The following HS6ST1 variants were observed in gnomAD, a reference collection of about 807,000 sequenced individuals.
HS6ST1 encodes heparan sulfate 6-O-sulfotransferase 1, also known as heparan-sulfate 6-O-sulfotransferase 1.
HS6ST1 carries 3 observed loss-of-function variants against 25.2 expected under a neutral mutation model. The ratio of observed to expected loss-of-function variants is 0.12; its 90% CI spans 0.05 to 0.31. The LOEUF (loss-of-function observed/expected upper bound fraction) is 0.31, where lower values mean the gene tolerates loss of function less well. Among genes scored for constraint, HS6ST1 ranks in the 10% least tolerant of loss-of-function variants. The pLI is 1.00. For missense variants in HS6ST1, 310 were observed against 609.6 expected, an observed-to-expected ratio of 0.51 and a Z score of 5.18; for synonymous variants, 204 against 275.1, an observed-to-expected ratio of 0.74 and a Z score of 2.56.
At chr2:128,293,133 C>T (rs1041939986) in intron 1 of HS6ST1, among the ~76,000 whole-genome samples, 4 of 152,234 alleles carry the variant, frequency 2.6e-5, no homozygotes, top group African/African-American at 9.6e-5. Flanking sequence ...CCTTGCTCTG[C>T]ATGCAGTGGG....
chr2:128,306,890 A>G lies in HS6ST1; in HGVS notation c.527+11147T>C, dbSNP rs555779277. 1.1e-3 allele frequency among the ~76,000 whole-genome samples: 164 copies of G among 152,270 alleles called. 1 individual carries two copies. The highest frequency in any genetic ancestry group is 2.0e-3 in the Non-Finnish European group (134 of 68,020). ...CAGGGCCAGGCACCAGGCTGGAGGC[A>G]CAGACAGCAGTGTCGTCACTGTCAT... On this transcript the variant is annotated intron_variant, in intron 1 of 1. Coordinates refer to ENST00000259241, the MANE Select transcript of HS6ST1 (RefSeq NM_004807.3).
rs1418650247 is a variant in HS6ST1 at position 128,265,832 on chromosome 2, C to A, written c.*2330G>T. 2 of 152,216 alleles carry A rather than the reference C, an allele frequency of 1.3e-5. No individual in the cohort carries two copies. The highest frequency in any genetic ancestry group is 4.8e-5 in the African/African-American group (2 of 41,442). 9.4% of individuals were successfully genotyped at this position (152,216 alleles called of 1,614,324 possible). ...TTCCGTCCTCACAGCCCTGGGAGGG[C>A]CCCGGTGGACAGAGTCCTTACAATT... On this transcript the variant is annotated 3_prime_UTR_variant, in exon 2 of 2. Coordinates refer to ENST00000259241, the MANE Select transcript of HS6ST1 (RefSeq NM_004807.3).
At position 128,277,801 on chromosome 2, in the gene HS6ST1, C is replaced by T. The variant is rs537004867; in HGVS notation, c.528-8931G>A. Among the ~76,000 whole-genome samples the T allele has an allele frequency of 1.6e-4, 24 of 152,364 alleles. No individual in the cohort carries two copies. The East Asian group carries it at 1.9e-3, about 12-fold the overall frequency. ...ATGAAACATCAAAGAACTCGAAATG[C>T]GCTATGAAATAATTCTAGTCTGCAC... On this transcript the variant is annotated intron_variant, in intron 1 of 1. Coordinates refer to ENST00000259241, the MANE Select transcript of HS6ST1 (RefSeq NM_004807.3).
chr2:128,317,972 C>G lies in HS6ST1; in HGVS notation c.527+65G>C, dbSNP rs981913899. 15 of 1,389,484 alleles carry G rather than the reference C, an allele frequency of 1.1e-5. No individual in the cohort carries two copies. In the Admixed American group the frequency reaches 1.1e-4, roughly 10 times the overall value. 86.1% of individuals were successfully genotyped at this position (1,389,484 alleles called of 1,614,324 possible). ...AAGGCAGGGCCGACCCAGTACAGCACGGCGGGCATACGGCCCGGCCTCGGG... is the reference window on the plus strand; with the variant it reads ...AAGGCAGGGCCGACCCAGTACAGCAGGGCGGGCATACGGCCCGGCCTCGGG... On this transcript the variant is annotated intron_variant, in intron 1 of 1. Transcript: ENST00000259241.
chr2:128,307,511 G>A (rs558889534), intron 1 of HS6ST1, among the ~76,000 whole-genome samples: 1 of 152,208 alleles, frequency 6.6e-6, no homozygotes, highest in African/African-American at 2.4e-5. Context: ...CAGGAGGAGA[G>A]AAGCGGGGAG....
At chr2:128,304,382 G>A (rs1306269952) in intron 1 of HS6ST1, among the ~76,000 whole-genome samples, 1 of 152,236 alleles carries the variant, frequency 6.6e-6, no homozygotes, top group Non-Finnish European at 1.5e-5. Flanking sequence ...CAGAGATGGT[G>A]CATGGTACAG....
intron 1 of HS6ST1, among the ~76,000 whole-genome samples, chr2:128,281,027 G>A (rs988602337): frequency 1.3e-5 from 2 of 152,238 alleles, no homozygotes; most frequent in Non-Finnish European, 2.9e-5. Flanking sequence ...CACCAGAGAG[G>A]CCAAGGCTAC....
intron 1 of HS6ST1, among the ~76,000 whole-genome samples, chr2:128,306,153 C>G (rs947429166): frequency 6.6e-6 from 1 of 152,234 alleles, no homozygotes; most frequent in African/African-American, 2.4e-5. Flanking sequence ...CACAGCCCCT[C>G]CCTGCTCCCA....
chr2:128,291,678 G>A (rs1259591457), intron 1 of HS6ST1, among the ~76,000 whole-genome samples: 1 of 152,170 alleles, frequency 6.6e-6, no homozygotes, highest in African/African-American at 2.4e-5. Flanking sequence ...ACCTGGCCTG[G>A]CCTCTCCAGC....
intron 1 of HS6ST1, among the ~76,000 whole-genome samples, chr2:128,302,862 C>T (rs951128957): frequency 2.6e-5 from 4 of 152,226 alleles, no homozygotes; most frequent in African/African-American, 7.2e-5. Context: ...CCGGCCAGTT[C>T]CCTGCTCTGT....
intron 1 of HS6ST1, among the ~76,000 whole-genome samples, chr2:128,286,324 T>TG (rs1165278890): frequency 6.6e-6 from 1 of 152,212 alleles, no homozygotes; most frequent in Non-Finnish European, 1.5e-5. Context: ...CACAGCATCC[T>TG]GCAGGGCCAG....
chr2:128,309,968 C>T (rs568471106), intron 1 of HS6ST1, among the ~76,000 whole-genome samples: 1 of 152,354 alleles, frequency 6.6e-6, no homozygotes, highest in South Asian at 2.1e-4. Context: ...TAATAAGTCA[C>T]TGGTTCCTCT....
At chr2:128,314,435 G>A (rs750229291) in intron 1 of HS6ST1, among the ~76,000 whole-genome samples, 2 of 152,162 alleles carry the variant, frequency 1.3e-5, no homozygotes, top group Admixed American at 6.5e-5. Flanking sequence ...GACAGCAGTC[G>A]AGGCGCCTAA....
intron 1 of HS6ST1, among the ~76,000 whole-genome samples, chr2:128,306,535 G>T (rs931752158): frequency 6.6e-6 from 1 of 152,226 alleles, no homozygotes; most frequent in Admixed American, 6.5e-5. Context: ...AACTCAGAGG[G>T]GAGATGCTCC....
intron 1 of HS6ST1, among the ~76,000 whole-genome samples, chr2:128,302,309 G>C (rs1694144027): frequency 6.6e-6 from 1 of 152,208 alleles, no homozygotes; most frequent in Non-Finnish European, 1.5e-5. Context: ...GGCTGAGCTG[G>C]AGCTGTGCAG....
chr2:128,272,486 C>T (rs989990529), intron 1 of HS6ST1, among the ~76,000 whole-genome samples: 3 of 152,188 alleles, frequency 2.0e-5, no homozygotes, highest in South Asian at 4.1e-4. Context: ...CTGACCATCA[C>T]GGGTGGGGGT....
chr2:128,309,295 GA>G (rs1377122383), intron 1 of HS6ST1, among the ~76,000 whole-genome samples: 1 of 152,264 alleles, frequency 6.6e-6, no homozygotes, highest in African/African-American at 2.4e-5. Flanking sequence ...CGTGAGGTGG[GA>G]AAAGAAAATG....
At chr2:128,299,015 G>A (rs1694081421) in intron 1 of HS6ST1, among the ~76,000 whole-genome samples, 2 of 152,128 alleles carry the variant, frequency 1.3e-5, no homozygotes, top group South Asian at 2.1e-4. Flanking sequence ...GGTACTCCTC[G>A]GCTCTCGGAA....
chr2:128,303,165 C>T (rs780712479), intron 1 of HS6ST1, among the ~76,000 whole-genome samples: 2 of 152,272 alleles, frequency 1.3e-5, no homozygotes, highest in African/African-American at 4.8e-5. Context: ...ACAGCCAGGA[C>T]ACCTCCACTC....
Sources: gnomAD v4.1 joint callset for allele counts (sites outside exome capture counted in the v4.1 genomes callset) on GRCh38, gnomAD v4.1.1 for gene constraint, MANE v1.5 for transcripts, NCBI Gene and HGNC (gene_info 2026-07-23, HGNC 2026-07-21) for gene names.